Variants in AFG1L observed in about 807,000 individuals in gnomAD.
AFG1L encodes AFG1 like ATPase, also known as AFG1-like ATPase.
A neutral mutation model predicts 62.2 loss-of-function variants in AFG1L; 53 were observed. The ratio of observed to expected loss-of-function variants is 0.85; its 90% CI spans 0.68 to 1.07. AFG1L has a LOEUF of 1.07. AFG1L is among the 50% of genes least tolerant of loss of function. The pLI, the probability that AFG1L is intolerant of heterozygous loss-of-function variation, is 0.00. For missense variants in AFG1L, 555 were observed against 590.5 expected (o/e 0.94, Z 0.62); for synonymous variants, 228 against 210.3 (o/e 1.08, Z -0.73).
At chr6:108,453,333 C>A (rs117716069) in intron 8 of AFG1L, among the ~76,000 whole-genome samples, 4,410 of 151,190 alleles carry the variant, frequency 0.029, 96 homozygotes, top group Middle Eastern at 0.097. Context: ...GAACAGATTT[C>A]AAAAAAAAAG....
At chr6:108,410,454 G>A (rs910514452) in intron 7 of AFG1L, among the ~76,000 whole-genome samples, 2 of 152,124 alleles carry the variant, frequency 1.3e-5, no homozygotes, top group Admixed American at 6.6e-5. Context: ...GTAGATACTA[G>A]AAGAGAAGAG....
intron 3 of AFG1L, among the ~76,000 whole-genome samples, chr6:108,355,086 A>G (rs372667271): frequency 6.6e-6 from 1 of 150,718 alleles, no homozygotes; most frequent in Admixed American, 6.6e-5. Flanking sequence ...ACTAATCTTT[A>G]TATTTCATCT....
At chr6:108,324,096 T>C in intron 2 of AFG1L, 48 bp downstream of exon 2, 1 of 1,373,046 alleles carries the variant, frequency 7.3e-7, no homozygotes, top group Non-Finnish European at 1.0e-6. Context: ...AGTGTAAGCA[T>C]TTTCTAAAAT....
intron 10 of AFG1L, among the ~76,000 whole-genome samples, chr6:108,497,247 A>G (rs1774005169): frequency 6.6e-6 from 1 of 152,190 alleles, no homozygotes. Context: ...ATCAAATTGC[A>G]TAATTTATTT....
intron 7 of AFG1L, among the ~76,000 whole-genome samples, chr6:108,433,316 G>A (rs1372020682): frequency 1.3e-5 from 2 of 152,026 alleles, no homozygotes; most frequent in Non-Finnish European, 2.9e-5. Context: ...GTCTTGCTCA[G>A]TCGCCCAGGC....
At chr6:108,366,436 G>T in intron 6 of AFG1L, 104 bp downstream of exon 6, 1 of 602,016 alleles carries the variant, frequency 1.7e-6, no homozygotes, top group Non-Finnish European at 2.7e-6. Flanking sequence ...TAAATCTGAT[G>T]ACTTTGCTTA....
At chr6:108,505,383 C>A (rs114995182) in intron 10 of AFG1L, among the ~76,000 whole-genome samples, 2 of 152,130 alleles carry the variant, frequency 1.3e-5, no homozygotes, top group Non-Finnish European at 2.9e-5. Context: ...TGAACCACTG[C>A]GCCCAGCCAG....
intron 7 of AFG1L, among the ~76,000 whole-genome samples, chr6:108,436,329 G>C (rs1392999027): frequency 2.0e-5 from 3 of 152,100 alleles, no homozygotes; most frequent in Non-Finnish European, 1.5e-5. Context: ...ATTTTTAGTA[G>C]AGACGGGGTT....
At chr6:108,356,913 G>T in intron 5 of AFG1L, 93 bp downstream of exon 5, 7 of 1,121,622 alleles carry the variant, frequency 6.2e-6, no homozygotes, top group South Asian at 1.7e-5. Context: ...TGGTTTATAA[G>T]GTGATTTGAC....
intron 10 of AFG1L, among the ~76,000 whole-genome samples, chr6:108,490,811 C>T (rs559839043): frequency 6.6e-6 from 1 of 152,338 alleles, no homozygotes; most frequent in African/African-American, 2.4e-5. Context: ...ATTTCTACTT[C>T]CCTACACTGG....
chr6:108,462,772 A>T (rs1242773258), intron 8 of AFG1L, among the ~76,000 whole-genome samples: 3 of 152,186 alleles, frequency 2.0e-5, no homozygotes, highest in Non-Finnish European at 2.9e-5. Flanking sequence ...GTAAATAATA[A>T]TTGTGTATAT....
intron 7 of AFG1L, among the ~76,000 whole-genome samples, chr6:108,434,267 A>G (rs988434599): frequency 3.9e-5 from 6 of 152,054 alleles, no homozygotes; most frequent in Admixed American, 1.3e-4. Flanking sequence ...CTTGGCTCCA[A>G]CTCCTAGAGT....
At chr6:108,323,729 A>G in intron 1 of AFG1L, 96 bp from the exon 2 acceptor site, 1 of 771,886 alleles carries the variant, frequency 1.3e-6, no homozygotes, top group East Asian at 2.5e-5. Context: ...ATATACTTGT[A>G]ACTAGTTAAA....
intron 6 of AFG1L, among the ~76,000 whole-genome samples, chr6:108,394,112 CCCCCTCCCCTCCCTTCCCTT>C (rs1039742943): frequency 2.9e-4 from 38 of 132,420 alleles, no homozygotes; most frequent in Middle Eastern, 3.9e-3. Flanking sequence ...TCTTTCCTTT[CCCCCTCCCCTCCCTTCCCTT>C]CCCCTCCCCT....
intron 1 of AFG1L, among the ~76,000 whole-genome samples, chr6:108,301,046 A>G (rs192164936): frequency 1.3e-5 from 2 of 152,234 alleles, no homozygotes; most frequent in Admixed American, 1.3e-4. Context: ...GATTTTTGTT[A>G]ATATTTATTA....
intron 7 of AFG1L, among the ~76,000 whole-genome samples, chr6:108,436,966 G>A (rs1197529912): frequency 6.6e-6 from 1 of 152,206 alleles, no homozygotes; most frequent in African/African-American, 2.4e-5. Flanking sequence ...GGCACCAGCA[G>A]ATTTGGTATC....
In AFG1L at chr6:108,323,655, C is replaced by G. The variant is rs566416332; in HGVS notation, c.140-170C>G. ...GAATTACAGGCGTGAGCCACCATGC[C>G]TGGCTGAAAATGTATTTTATATTAT... is the stretch of plus-strand genomic sequence containing the variant. On this transcript the variant is annotated intron_variant, in intron 1 of 12. Coordinates refer to ENST00000368977, the MANE Select transcript of AFG1L (RefSeq NM_145315.5). 1.9e-4 allele frequency among the ~76,000 whole-genome samples: 29 copies of G among 152,186 alleles called. 1 individual carries two copies. The highest frequency in any genetic ancestry group is 3.5e-4 in the Non-Finnish European group (24 of 68,044).
At chr6:108,313,334 G>A (rs186977102) in intron 1 of AFG1L, among the ~76,000 whole-genome samples, 598 of 152,138 alleles carry the variant, frequency 3.9e-3, no homozygotes, top group Middle Eastern at 6.8e-3. Context: ...TTTAAAGTAG[G>A]GATAATATTA....
At chr6:108,463,246 G>A (rs930028130) in intron 8 of AFG1L, among the ~76,000 whole-genome samples, 2 of 134,792 alleles carry the variant, frequency 1.5e-5, no homozygotes, top group African/African-American at 5.7e-5. Context: ...CTGAGATCAC[G>A]CCACTGCACT....
Sources: gnomAD v4.1 joint callset for allele counts (sites outside exome capture counted in the v4.1 genomes callset) on GRCh38, gnomAD v4.1.1 for gene constraint, MANE v1.5 for transcripts, NCBI Gene and HGNC (gene_info 2026-07-23, HGNC 2026-07-21) for gene names.